The following DTNB variants were observed in gnomAD, a reference collection of about 807,000 sequenced individuals.
DTNB encodes the protein DTN-B.
In DTNB, 63 loss-of-function variants were observed where a neutral mutation model predicts 90.7. That is an observed-to-expected ratio of 0.69 (90% confidence interval 0.57 to 0.86). The LOEUF is 0.86. Ranked by LOEUF, DTNB falls within the 40% of genes least tolerant of loss-of-function variation. The probability of loss-of-function intolerance (pLI) is 0.00; values close to 1 mark genes in which losing one functional copy is unlikely to be tolerated. For missense variants in DTNB, 744 were observed against 807.1 expected (o/e 0.92, Z 0.95); for synonymous variants, 277 against 286.7 (o/e 0.97, Z 0.34).
At chr2:25,662,347 CA>C (rs1344737609) in intron 1 of DTNB, among the ~76,000 whole-genome samples, 1 of 151,986 alleles carries the variant, frequency 6.6e-6, no homozygotes, top group African/African-American at 2.4e-5. Context: ...GTCAATCGCA[CA>C]ACAGAATAAA....
intron 8 of DTNB, among the ~76,000 whole-genome samples, chr2:25,574,762 C>G (rs1430834048): frequency 6.6e-6 from 1 of 152,072 alleles, no homozygotes; most frequent in East Asian, 1.9e-4. Flanking sequence ...ACACTAGCTT[C>G]AAAATTATGC....
At chr2:25,616,848 C>CCTCA (rs2070744651) in intron 4 of DTNB, among the ~76,000 whole-genome samples, 1 of 138,658 alleles carries the variant, frequency 7.2e-6, no homozygotes, top group Admixed American at 8.1e-5. Context: ...AGGAGAATGG[C>CCTCA]GTGAACCCAG....
chr2:25,393,128 C>T (rs1317092717), intron 16 of DTNB, among the ~76,000 whole-genome samples: 1 of 152,120 alleles, frequency 6.6e-6, no homozygotes, highest in African/African-American at 2.4e-5. Context: ...GAATTAAAAA[C>T]AAAAATCACA....
chr2:25,601,911 C>G (rs2065962545), intron 5 of DTNB, among the ~76,000 whole-genome samples: 1 of 152,064 alleles, frequency 6.6e-6, no homozygotes, highest in South Asian at 2.1e-4. Flanking sequence ...CACCTGAGGT[C>G]AGGAGTTCAA....
chr2:25,605,629 C>T (rs990714853), intron 5 of DTNB, among the ~76,000 whole-genome samples: 2 of 152,102 alleles, frequency 1.3e-5, no homozygotes, highest in African/African-American at 4.8e-5. Flanking sequence ...TTTAAAGATT[C>T]CAGAGTCATC....
chr2:25,384,334 ATAAACT>A (rs1339937627), intron 18 of DTNB, among the ~76,000 whole-genome samples: 6 of 152,192 alleles, frequency 3.9e-5, no homozygotes, highest in Admixed American at 2.0e-4. Flanking sequence ...TTAGCTGATG[ATAAACT>A]TAAAATGACC....
intron 9 of DTNB, among the ~76,000 whole-genome samples, chr2:25,487,536 G>C (rs2066448817): frequency 6.6e-6 from 1 of 152,166 alleles, no homozygotes; most frequent in Non-Finnish European, 1.5e-5. Context: ...AACCCCCAGG[G>C]ATACTGAGAG....
intron 9 of DTNB, among the ~76,000 whole-genome samples, chr2:25,511,064 T>G (rs891797781): frequency 1.3e-5 from 2 of 152,166 alleles, no homozygotes; most frequent in Non-Finnish European, 2.9e-5. Flanking sequence ...AGGAATAAAA[T>G]GTTTATGTTT....
intron 16 of DTNB, among the ~76,000 whole-genome samples, chr2:25,411,481 G>A (rs1406153935): frequency 1.3e-5 from 2 of 152,100 alleles, no homozygotes; most frequent in Admixed American, 6.5e-5. Context: ...TGCCAAGACC[G>A]ATGAATACAC....
At chr2:25,410,380 T>A (rs2046294895) in intron 16 of DTNB, among the ~76,000 whole-genome samples, 1 of 152,126 alleles carries the variant, frequency 6.6e-6, no homozygotes. Context: ...TTCTCTTGTA[T>A]CCTCGGACTC....
At chr2:25,581,601 T>C (rs2061560858) in intron 6 of DTNB, among the ~76,000 whole-genome samples, 1 of 152,188 alleles carries the variant, frequency 6.6e-6, no homozygotes, top group African/African-American at 2.4e-5. Flanking sequence ...AAAGAGTATG[T>C]CCCACTTAGA....
At chr2:25,605,043 C>A (rs150432256) in intron 5 of DTNB, among the ~76,000 whole-genome samples, 82 of 152,178 alleles carry the variant, frequency 5.4e-4, no homozygotes, top group Non-Finnish European at 1.0e-3. Context: ...ATGGAAGGGG[C>A]AAGCCACATT....
chr2:25,379,292 G>T lies in DTNB; in HGVS notation c.*27C>A. 1 of 1,326,954 alleles carries T rather than the reference G, an allele frequency of 7.5e-7. No homozygotes were observed. The highest frequency in any genetic ancestry group is 9.7e-7 in the Non-Finnish European group (1 of 1,029,282). 82.2% of individuals were successfully genotyped at this position (1,326,954 alleles called of 1,614,324 possible). A position where few individuals can be genotyped will look rare whatever the true frequency, so the allele number is the denominator to read the frequency against. Reference sequence around the variant, plus strand: ...GGCAGAGGACTCTTTGTACTCACCTGAGCTTCCTCTGTGTCCGGCTCCTCT... The same window carrying T: ...GGCAGAGGACTCTTTGTACTCACCTTAGCTTCCTCTGTGTCCGGCTCCTCT... On this transcript the variant is annotated splice_region_variant and 3_prime_UTR_variant, in exon 20 of 21. Transcript: ENST00000406818.
At chr2:25,470,833 T>C (rs1194143350) in intron 10 of DTNB, among the ~76,000 whole-genome samples, 3 of 152,286 alleles carry the variant, frequency 2.0e-5, no homozygotes, top group Middle Eastern at 3.4e-3. Flanking sequence ...TCTAATGTGA[T>C]CCTTCAGCAC....
At chr2:25,479,898 G>A (rs1245641277) in intron 10 of DTNB, among the ~76,000 whole-genome samples, 2 of 152,108 alleles carry the variant, frequency 1.3e-5, no homozygotes, top group Non-Finnish European at 2.9e-5. Flanking sequence ...CTCTATCTCC[G>A]CGAGCATTCC....
At chr2:25,456,439 A>G (rs1410609232) in intron 10 of DTNB, among the ~76,000 whole-genome samples, 5 of 152,218 alleles carry the variant, frequency 3.3e-5, no homozygotes, top group Admixed American at 6.5e-5. Flanking sequence ...CCATCTGCCA[A>G]TTTCCTCAAA....
chr2:25,499,131 C>T (rs1392172058), intron 9 of DTNB, among the ~76,000 whole-genome samples: 3 of 151,330 alleles, frequency 2.0e-5, no homozygotes, highest in African/African-American at 4.9e-5. Context: ...GCAGGAGAAT[C>T]GCTTGAACCG....
intron 2 of DTNB, among the ~76,000 whole-genome samples, chr2:25,645,252 G>A (rs1200431885): frequency 6.6e-6 from 1 of 151,226 alleles, no homozygotes; most frequent in African/African-American, 2.4e-5. Context: ...GTGTGGTGGT[G>A]CACGCCTGTA....
chr2:25,404,810 G>A (rs1338521917), intron 16 of DTNB, among the ~76,000 whole-genome samples: 2 of 152,118 alleles, frequency 1.3e-5, no homozygotes, highest in African/African-American at 2.4e-5. Flanking sequence ...AGCCGAGATC[G>A]TGCCATTGCA....
Sources: gnomAD v4.1 joint callset for allele counts (sites outside exome capture counted in the v4.1 genomes callset) on GRCh38, gnomAD v4.1.1 for gene constraint, MANE v1.5 for transcripts, NCBI Gene and HGNC (gene_info 2026-07-23, HGNC 2026-07-21) for gene names.